Variants in CGGBP1 observed in about 807,000 individuals in gnomAD.
CGGBP1 encodes the protein CGG triplet repeat-binding protein 1.
Under a neutral mutation model 11.4 loss-of-function variants are expected in CGGBP1, and 4 were observed. The ratio of observed to expected loss-of-function variants is 0.35; its 90% CI spans 0.17 to 0.80. The LOEUF (loss-of-function observed/expected upper bound fraction) is 0.80, where lower values mean the gene tolerates loss of function less well. Among genes scored for constraint, CGGBP1 ranks in the 30% least tolerant of loss-of-function variants. The probability of loss-of-function intolerance (pLI) is 0.52; values close to 1 mark genes in which losing one functional copy is unlikely to be tolerated. For missense variants in CGGBP1, 135 were observed against 202.1 expected (o/e 0.67, Z 2.01); for synonymous variants, 76 against 74.1 (o/e 1.03, Z -0.13).
intron 2 of CGGBP1, chr3:88,139,806 G>T: frequency 1.3e-6 from 2 of 1,558,694 alleles, no homozygotes; most frequent in East Asian, 2.4e-5. Context: ...TTATGAAGAA[G>T]ATGATTATGA....
At chr3:88,120,385 C>T (rs1220151604) in intron 2 of CGGBP1, among the ~76,000 whole-genome samples, 1 of 152,102 alleles carries the variant, frequency 6.6e-6, no homozygotes, top group Non-Finnish European at 1.5e-5. Context: ...GCTTTATTGT[C>T]TAAGCTTTTA....
intron 1 of CGGBP1, among the ~76,000 whole-genome samples, chr3:88,149,442 A>G (rs1707367663): frequency 6.6e-6 from 1 of 152,284 alleles, no homozygotes; most frequent in African/African-American, 2.4e-5. Context: ...CGTGTTTGAG[A>G]GGAAAGTCCG....
rs182415462 is a variant in CGGBP1, at chr3:88,080,197, C to T, written c.-228-21974G>A. The stretch of plus-strand genomic sequence containing the variant: ...AACTAAATAGCTGAAACTCAGCAGT[C>T]GTTTTCAGATTTTATTTAGGAGTGA... On this transcript the variant is annotated intron_variant, in intron 2 of 3. Transcript: ENST00000462901. Among the ~76,000 whole-genome samples, 155 of 152,000 alleles carry T rather than the reference C, an allele frequency of 1.0e-3. 3 individuals are homozygous for T. Among genetic ancestry groups the T allele is most frequent in the Middle Eastern group, 3.4e-3 (1 of 290 alleles).
At chr3:88,131,838 C>T (rs1024439273) in intron 2 of CGGBP1, among the ~76,000 whole-genome samples, 3 of 151,956 alleles carry the variant, frequency 2.0e-5, no homozygotes, top group African/African-American at 7.3e-5. Context: ...ATTTGATGAG[C>T]AGGATTTTTT....
chr3:88,086,528 TTTTCAC>T, intron 2 of CGGBP1: 1 of 871,388 alleles, frequency 1.1e-6, no homozygotes, highest in Non-Finnish European at 1.6e-6. Flanking sequence ...ATGTTTATTT[TTTTCAC>T]TGAAGTATTC....
intron 2 of CGGBP1, among the ~76,000 whole-genome samples, chr3:88,085,609 T>C (rs565818878): frequency 6.6e-6 from 1 of 152,330 alleles, no homozygotes; most frequent in African/African-American, 2.4e-5. Flanking sequence ...TGTTTTCTCA[T>C]AAATTACCCC....
intron 2 of CGGBP1, among the ~76,000 whole-genome samples, chr3:88,086,694 C>T (rs1168046884): frequency 6.6e-6 from 1 of 151,968 alleles, no homozygotes; most frequent in Admixed American, 6.6e-5. Flanking sequence ...ATGGTAAGTC[C>T]CAGAATACAG....
At chr3:88,077,759 A>G (rs1219807577) in intron 2 of CGGBP1, among the ~76,000 whole-genome samples, 2 of 152,190 alleles carry the variant, frequency 1.3e-5, no homozygotes, top group East Asian at 3.8e-4. Context: ...AGAAGTCACA[A>G]CTGATTTTAA....
At chr3:88,138,761 C>A in intron 2 of CGGBP1, 2 of 1,231,960 alleles carry the variant, frequency 1.6e-6, no homozygotes, top group East Asian at 3.2e-5. Flanking sequence ...CTCTACAACT[C>A]GACCTTCATG....
At chr3:88,132,394 C>G (rs966755183) in intron 2 of CGGBP1, among the ~76,000 whole-genome samples, 8 of 152,126 alleles carry the variant, frequency 5.3e-5, no homozygotes, top group Non-Finnish European at 1.0e-4. Context: ...GCTGTGTTTT[C>G]TAATGCACAC....
chr3:88,132,442 C>G lies in CGGBP1; in HGVS notation c.-229+8528G>C, dbSNP rs73844885. Among the ~76,000 whole-genome samples the G allele has an allele frequency of 3.0e-3, 462 of 152,218 alleles. 3 individuals are homozygous for G. The highest frequency in any genetic ancestry group is 0.011 in the African/African-American group (445 of 41,536). ...AAAACGTGTATAAGCTTCATTAAAC[C>G]TGCCCTTTTGGTCTTCTAAAAGAAG... On this transcript the variant is annotated intron_variant, in intron 2 of 3. Coordinates refer to the CGGBP1 transcript ENST00000462901.
rs553738251 is a variant in CGGBP1, at chr3:88,070,568, T to G, written c.-228-12345A>C. Among the ~76,000 whole-genome samples the G allele has an allele frequency of 5.2e-3, 83 of 15,864 alleles. No homozygotes were observed. The East Asian group carries it at 0.28, about 53-fold the overall frequency. 10.4% of individuals were successfully genotyped at this position (15,864 alleles called of 152,430 possible). A position where few individuals can be genotyped will look rare whatever the true frequency, so the allele number is the denominator to read the frequency against. ...TGGCAAAGGCAACACTGCCTGTTTT[T>G]TTTTTTTTTTTTTTTTTTTTTGCAG... On this transcript the variant is annotated intron_variant, in intron 2 of 3. Transcript: ENST00000462901.
upstream of CGGBP1, among the ~76,000 whole-genome samples, chr3:88,060,897 A>T (rs1706841286): frequency 6.6e-6 from 1 of 152,118 alleles, no homozygotes; most frequent in African/African-American, 2.4e-5. Context: ...TTAATGCTTT[A>T]ATTTAAATTG....
At chr3:88,083,941 TTATATATATATA>T (rs78670676) in intron 2 of CGGBP1, among the ~76,000 whole-genome samples, 1 of 147,698 alleles carries the variant, frequency 6.8e-6, no homozygotes, top group Non-Finnish European at 1.5e-5. Context: ...TGTACTTATT[TTATATATATATA>T]TATATATATA....
chr3:88,106,675 G>T (rs987598933), intron 2 of CGGBP1, among the ~76,000 whole-genome samples: 2 of 152,072 alleles, frequency 1.3e-5, no homozygotes, highest in Non-Finnish European at 2.9e-5. Flanking sequence ...TTTGCATGTG[G>T]TGTTAATTTG....
At chr3:88,065,854 A>AC in intron 2 of CGGBP1, among the ~76,000 whole-genome samples, 1 of 152,014 alleles carries the variant, frequency 6.6e-6, no homozygotes, top group Middle Eastern at 3.4e-3. Flanking sequence ...ATCAGCCCCC[A>AC]CCCCCAGTAG....
upstream of CGGBP1, chr3:88,059,608 T>C: frequency 7.0e-6 from 9 of 1,279,762 alleles, no homozygotes; most frequent in Non-Finnish European, 8.0e-6. Context: ...CAGTGCCCGC[T>C]CCTCCCCAAC....
intron 2 of CGGBP1, among the ~76,000 whole-genome samples, chr3:88,105,115 A>G (rs1704657446): frequency 6.6e-6 from 1 of 152,140 alleles, no homozygotes; most frequent in African/African-American, 2.4e-5. Flanking sequence ...CTCCAGCCTG[A>G]GCAAGAGAGC....
intron 2 of CGGBP1, among the ~76,000 whole-genome samples, chr3:88,099,400 C>T (rs1704264520): frequency 6.6e-6 from 1 of 152,152 alleles, no homozygotes; most frequent in Admixed American, 6.6e-5. Context: ...GGCCATACTG[C>T]CCAAGGTAAT....
Sources: allele counts gnomAD v4.1 joint callset (sites outside exome capture counted in the v4.1 genomes callset), GRCh38; gene constraint gnomAD v4.1.1; transcripts MANE v1.5; gene names NCBI Gene and HGNC (gene_info 2026-07-23, HGNC 2026-07-21).